The following FBXW7 variants were observed in gnomAD, a reference collection of about 807,000 sequenced individuals.
FBXW7 encodes the protein F-box/WD repeat-containing protein 7.
A neutral mutation model predicts 86.3 loss-of-function variants in FBXW7; 11 were observed. That is an observed-to-expected ratio of 0.13 (90% CI 0.08 to 0.21). FBXW7 has a LOEUF of 0.21. Among genes scored for constraint, FBXW7 ranks in the 10% least tolerant of loss-of-function variants. The probability of loss-of-function intolerance (pLI) is 1.00; values close to 1 mark genes in which losing one functional copy is unlikely to be tolerated. For synonymous variants in FBXW7, 313 were observed against 297.9 expected (o/e 1.05, Z -0.52); for missense variants, 488 against 847.4 (o/e 0.58, Z 5.27).
chr4:152,529,483 A>C (rs1201702753), intron 2 of FBXW7, among the ~76,000 whole-genome samples: 1 of 152,186 alleles, frequency 6.6e-6, no homozygotes, highest in Non-Finnish European at 1.5e-5. Context: ...TGCAAGAGTA[A>C]TCTCCACCCC....
chr4:152,509,543 T>C (rs1033653305), intron 2 of FBXW7, among the ~76,000 whole-genome samples: 12 of 152,230 alleles, frequency 7.9e-5, no homozygotes, highest in Admixed American at 2.6e-4. Flanking sequence ...AGAGTAGATA[T>C]TGAGGTTAAC....
At position 152,527,865 on chromosome 4, in the gene FBXW7, TACAC is replaced by T. The variant is rs149379203; in HGVS notation, c.-120+7072_-120+7075del. Among the ~76,000 whole-genome samples the T allele has an allele frequency of 5.1e-3, 705 of 137,462 alleles. 2 individuals carry two copies. The highest frequency in any genetic ancestry group is 0.019 in the South Asian group (86 of 4,520). The allele number at this position is 137,462 out of a possible 152,430, so 90.2% of individuals were successfully genotyped here. On this transcript the variant is annotated intron_variant, in intron 2 of 13. Transcript: ENST00000281708. ...TTTTGTTAAAAATTTAAAAATTATA[TACAC>T]ACACACACACACACACACACACACA...
At chr4:152,329,419 G>T (rs1729348485) in intron 10 of FBXW7, among the ~76,000 whole-genome samples, 1 of 151,720 alleles carries the variant, frequency 6.6e-6, no homozygotes, top group African/African-American at 2.4e-5. Flanking sequence ...AAATGTTAAA[G>T]TATCTGTCAC....
intron 2 of FBXW7, among the ~76,000 whole-genome samples, chr4:152,529,358 AAAGG>A (rs750629951): frequency 2.0e-5 from 3 of 152,140 alleles, no homozygotes; most frequent in Non-Finnish European, 2.9e-5. Context: ...TCTTTTTTTA[AAAGG>A]AAGAAGAAAA....
At chr4:152,516,044 T>C (rs1327060117) in intron 2 of FBXW7, among the ~76,000 whole-genome samples, 4 of 152,156 alleles carry the variant, frequency 2.6e-5, no homozygotes, top group Non-Finnish European at 2.9e-5. Flanking sequence ...CCACAACCGG[T>C]GAGCCTGGAG....
intron 4 of FBXW7, among the ~76,000 whole-genome samples, chr4:152,367,027 C>G (rs1235917687): frequency 6.6e-6 from 1 of 152,036 alleles, no homozygotes; most frequent in African/African-American, 2.4e-5. Flanking sequence ...ATCACAAGGA[C>G]AGAAAACCAA....
intron 4 of FBXW7, chr4:152,382,441 T>C (rs1192000502): frequency 1.6e-6 from 2 of 1,240,038 alleles, no homozygotes; most frequent in African/African-American, 3.1e-5. Context: ...TAATAGTTTT[T>C]AAAAGGCTGA....
chr4:152,405,265 T>C (rs1313845296), intron 4 of FBXW7, among the ~76,000 whole-genome samples: 1 of 152,060 alleles, frequency 6.6e-6, no homozygotes, highest in African/African-American at 2.4e-5. Context: ...ACCAAAAATG[T>C]CACCAGGTAA....
chr4:152,437,068 A>G (rs529264258), intron 2 of FBXW7, among the ~76,000 whole-genome samples: 27 of 152,346 alleles, frequency 1.8e-4, no homozygotes, highest in Middle Eastern at 3.4e-3. Flanking sequence ...ATATATATAC[A>G]TAGTGAATCC....
rs33966110 is a variant in FBXW7, at chr4:152,465,843, C to CA, written c.-119-53315dup. Among the ~76,000 whole-genome samples, 652 of 117,212 alleles carry CA rather than the reference C, an allele frequency of 5.6e-3. 2 individuals are homozygous for CA. Among genetic ancestry groups the CA allele is most frequent in the Admixed American group, 8.7e-3 (99 of 11,346 alleles). The allele number at this position is 117,212 out of a possible 152,430, so 76.9% of individuals were successfully genotyped here. ...TGGGCGACAGAGTGAGACTCTTTCTCAAAAAAAAAAAAAAAAAAGAGAACA... is the reference window on the plus strand; with the variant it reads ...TGGGCGACAGAGTGAGACTCTTTCTCAAAAAAAAAAAAAAAAAAAGAGAACA... On this transcript the variant is annotated intron_variant, in intron 2 of 13. Transcript: ENST00000281708.
chr4:152,422,264 T>C (rs1186469262), intron 2 of FBXW7, among the ~76,000 whole-genome samples: 1 of 152,178 alleles, frequency 6.6e-6, no homozygotes, highest in East Asian at 1.9e-4. Context: ...GGTAGTGGAA[T>C]AGTGAAGAGG....
At chr4:152,458,105 T>C (rs140780377) in intron 2 of FBXW7, among the ~76,000 whole-genome samples, 2,081 of 152,286 alleles carry the variant, frequency 0.014, 26 homozygotes, top group Middle Eastern at 0.037. Context: ...CTGCAACCTC[T>C]GCCTCCCGGG....
intron 2 of FBXW7, among the ~76,000 whole-genome samples, chr4:152,420,251 A>G (rs1003187639): frequency 6.6e-6 from 1 of 152,150 alleles, no homozygotes; most frequent in Non-Finnish European, 1.5e-5. Flanking sequence ...CACCTCAGCC[A>G]TTCAAATTTT....
intron 7 of FBXW7, among the ~76,000 whole-genome samples, chr4:152,336,068 A>G (rs1297274525): frequency 6.6e-6 from 1 of 152,188 alleles, no homozygotes; most frequent in Non-Finnish European, 1.5e-5. Flanking sequence ...TGTTTCTGAG[A>G]AGATAATGTT....
At chr4:152,340,517 A>G (rs1730622915) in intron 6 of FBXW7, among the ~76,000 whole-genome samples, 1 of 145,564 alleles carries the variant, frequency 6.9e-6, no homozygotes, top group Non-Finnish European at 1.5e-5. Flanking sequence ...AGGAGCTTGC[A>G]GTGAGCCGAG....
chr4:152,483,412 A>AT (rs1381570636), intron 2 of FBXW7, among the ~76,000 whole-genome samples: 1 of 151,490 alleles, frequency 6.6e-6, no homozygotes, highest in Non-Finnish European at 1.5e-5. Context: ...AAAAAAAAAA[A>AT]GCTTTTTGAG....
intron 2 of FBXW7, among the ~76,000 whole-genome samples, chr4:152,469,595 A>T (rs1416800731): frequency 6.6e-6 from 1 of 152,094 alleles, no homozygotes; most frequent in Non-Finnish European, 1.5e-5. Context: ...CTAAAGAACA[A>T]ATCTGTATTA....
intron 7 of FBXW7, among the ~76,000 whole-genome samples, chr4:152,335,857 T>A (rs1199477689): frequency 6.6e-6 from 1 of 152,228 alleles, no homozygotes; most frequent in African/African-American, 2.4e-5. Context: ...TGTATGATTA[T>A]GATTTTCTTG....
At position 152,486,283 on chromosome 4, in the gene FBXW7, A is replaced by G. The variant is rs554063178; in HGVS notation, c.-120+48658T>C. 5.9e-5 allele frequency among the ~76,000 whole-genome samples: 9 copies of G among 152,220 alleles called. No individual in the cohort carries two copies. In the East Asian group the frequency reaches 1.7e-3, roughly 29 times the overall value. On this transcript the variant is annotated intron_variant, in intron 2 of 13. Coordinates refer to ENST00000281708, the MANE Select transcript of FBXW7 (RefSeq NM_001349798.2). ...CTTTGTAAATATACACTCAAACCAC[A>G]CTACATCTATTTTTAAACATTTTCT...
Sources: allele counts gnomAD v4.1 joint callset (sites outside exome capture counted in the v4.1 genomes callset), GRCh38; gene constraint gnomAD v4.1.1; transcripts MANE v1.5; gene names NCBI Gene and HGNC (gene_info 2026-07-23, HGNC 2026-07-21).